AAK1: variants seen among roughly 807,000 people sequenced by gnomAD.
AAK1 encodes the protein AP2 associated kinase 1.
Under a neutral mutation model 116.0 loss-of-function variants are expected in AAK1, and 37 were observed. The observed-to-expected ratio is 0.32, with a 90% CI of 0.25 to 0.42. The LOEUF (loss-of-function observed/expected upper bound fraction) is 0.42, where lower values mean the gene tolerates loss of function less well. AAK1 is among the 10% of genes least tolerant of loss of function. The probability of loss-of-function intolerance (pLI) is 1.00; values close to 1 mark genes in which losing one functional copy is unlikely to be tolerated. For synonymous variants in AAK1, 458 were observed against 439.9 expected, an observed-to-expected ratio of 1.04 and a Z score of -0.51; for missense variants, 919 against 1,170.6, an observed-to-expected ratio of 0.79 and a Z score of 3.14.
intron 2 of AAK1, among the ~76,000 whole-genome samples, chr2:69,613,343 T>C (rs2105221531): frequency 1.3e-5 from 2 of 152,266 alleles, no homozygotes; most frequent in South Asian, 4.1e-4. Flanking sequence ...GATAGGAGCA[T>C]CTTTTGTTAA....
chr2:69,610,946 G>C (rs1464873712), intron 2 of AAK1, among the ~76,000 whole-genome samples: 1 of 152,242 alleles, frequency 6.6e-6, no homozygotes, highest in East Asian at 1.9e-4. Context: ...TGCAGCTGCT[G>C]TGGAAAATGG....
chr2:69,480,393 T>C (rs1675040702), intron 19 of AAK1, among the ~76,000 whole-genome samples: 1 of 152,036 alleles, frequency 6.6e-6, no homozygotes, highest in Non-Finnish European at 1.5e-5. Context: ...TTGCCTACAA[T>C]TTTACAGCAA....
chr2:69,613,155 C>G (rs969474261), intron 2 of AAK1, among the ~76,000 whole-genome samples: 1 of 152,186 alleles, frequency 6.6e-6, no homozygotes, highest in Non-Finnish European at 1.5e-5. Flanking sequence ...GCAATCCCAA[C>G]AGCTCCTAGA....
intron 13 of AAK1, among the ~76,000 whole-genome samples, chr2:69,511,386 C>T (rs746265362): frequency 2.8e-4 from 43 of 152,164 alleles, no homozygotes; most frequent in Non-Finnish European, 4.1e-4. Context: ...CTGAATGTTA[C>T]AATATAAGGT....
intron 2 of AAK1, among the ~76,000 whole-genome samples, chr2:69,610,859 A>G (rs1329012200): frequency 6.6e-6 from 1 of 152,246 alleles, no homozygotes; most frequent in Non-Finnish European, 1.5e-5. Flanking sequence ...AAGAAAAAAC[A>G]GCAGAAAATA....
intron 2 of AAK1, among the ~76,000 whole-genome samples, chr2:69,560,027 A>G (rs545619759): frequency 6.6e-6 from 1 of 152,354 alleles, no homozygotes; most frequent in African/African-American, 2.4e-5. Flanking sequence ...GACCATGATA[A>G]ATCTAAAAGC....
chr2:69,560,981 T>C (rs1361612048), intron 2 of AAK1, among the ~76,000 whole-genome samples: 2 of 150,336 alleles, frequency 1.3e-5, no homozygotes, highest in South Asian at 2.1e-4. Flanking sequence ...CAGATCATTG[T>C]TGCCATGTGG....
intron 16 of AAK1, among the ~76,000 whole-genome samples, chr2:69,500,698 T>TATATATATATATATATATACACACAC: frequency 3.1e-5 from 2 of 65,102 alleles, no homozygotes; most frequent in Non-Finnish European, 2.6e-5. Context: ...TATATATATA[T>TATATATATATATATATATACACACAC]ACACACACAC....
At chr2:69,520,589 C>T (rs553347650) in intron 11 of AAK1, among the ~76,000 whole-genome samples, 6 of 151,938 alleles carry the variant, frequency 3.9e-5, no homozygotes, top group Admixed American at 6.6e-5. Flanking sequence ...GTCTCGAAAT[C>T]GAACTGACCT....
intron 2 of AAK1, among the ~76,000 whole-genome samples, chr2:69,640,840 C>T (rs2105276893): frequency 6.6e-6 from 1 of 152,326 alleles, no homozygotes; most frequent in South Asian, 2.1e-4. Flanking sequence ...GGGGCCACTG[C>T]ACCCTAAGTT....
chr2:69,549,261 C>T (rs1013520055), intron 3 of AAK1, among the ~76,000 whole-genome samples: 6 of 151,980 alleles, frequency 3.9e-5, no homozygotes, highest in South Asian at 2.1e-4. Flanking sequence ...CCCAGCTACT[C>T]GGGAGGCCGA....
At chr2:69,595,507 C>A (rs544518790) in intron 2 of AAK1, among the ~76,000 whole-genome samples, 63 of 152,316 alleles carry the variant, frequency 4.1e-4, no homozygotes, top group African/African-American at 1.4e-3. Flanking sequence ...CATTCCCTTA[C>A]GCCAAAGTCT....
At chr2:69,618,502 C>A (rs1267869905) in intron 2 of AAK1, among the ~76,000 whole-genome samples, 1 of 152,140 alleles carries the variant, frequency 6.6e-6, no homozygotes, top group Non-Finnish European at 1.5e-5. Flanking sequence ...AGTAGCTTAG[C>A]GCAGGAGGTC....
rs950550433 is a variant in AAK1, at chr2:69,496,037, C to T, written c.2313G>A (p.Pro771=). The change falls in exon 17 of 22, where the codon CCG becomes CCA. Residue 771 remains proline, a synonymous_variant. Coordinates refer to ENST00000409085, the MANE Select transcript of AAK1 (RefSeq NM_014911.5). ...TGAAAGGATCAGACACGCTTAGAAGCGGGAGGCCAGAGTCCACAGTCTGCC... is the reference window on the plus strand; with the variant it reads ...TGAAAGGATCAGACACGCTTAGAAGTGGGAGGCCAGAGTCCACAGTCTGCC... The part of the protein sequence containing the change: ...KGGQTVDSGL[P]LLSVSDPFIP... 13 of 1,555,138 alleles carry T rather than the reference C, an allele frequency of 8.4e-6. No individual in the cohort carries two copies. The highest frequency in any genetic ancestry group is 4.1e-5 in the African/African-American group (3 of 73,246).
chr2:69,600,242 T>C (rs1295461582), intron 2 of AAK1, among the ~76,000 whole-genome samples: 1 of 151,058 alleles, frequency 6.6e-6, no homozygotes, highest in Non-Finnish European at 1.5e-5. Flanking sequence ...CAGGATTGAG[T>C]TGAAAAGAGA....
intron 2 of AAK1, among the ~76,000 whole-genome samples, chr2:69,602,544 T>C (rs1035453420): frequency 9.9e-5 from 15 of 152,186 alleles, no homozygotes; most frequent in African/African-American, 3.6e-4. Flanking sequence ...GAAGAGTATA[T>C]GTGAATCTTG....
rs1014277509 is a variant in AAK1, at chr2:69,554,675, T to C, written c.282+2185A>G. Among the ~76,000 whole-genome samples, 9 of 152,258 alleles carry C rather than the reference T, an allele frequency of 5.9e-5. No homozygotes were observed. In the East Asian group the frequency reaches 1.7e-3, roughly 29 times the overall value. ...TGGAAGAAAAATCAAGAACTAGCAA[T>C]ATTAGCATGTTATTTAGAAAGACAT... On this transcript the variant is annotated intron_variant, in intron 3 of 21. Coordinates refer to ENST00000409085, the MANE Select transcript of AAK1 (RefSeq NM_014911.5).
At chr2:69,508,781 C>T (rs565022803) in intron 14 of AAK1, among the ~76,000 whole-genome samples, 1 of 152,278 alleles carries the variant, frequency 6.6e-6, no homozygotes, top group African/African-American at 2.4e-5. Context: ...ACAGGAGGAA[C>T]AAAGGGCTCG....
At chr2:69,562,522 A>T (rs768850716) in intron 2 of AAK1, among the ~76,000 whole-genome samples, 9 of 152,178 alleles carry the variant, frequency 5.9e-5, no homozygotes, top group Non-Finnish European at 1.2e-4. Flanking sequence ...CAATACACAG[A>T]GGAGGGTATT....
Sources: gnomAD v4.1 joint callset for allele counts (sites outside exome capture counted in the v4.1 genomes callset) on GRCh38, gnomAD v4.1.1 for gene constraint, MANE v1.5 for transcripts, NCBI Gene and HGNC (gene_info 2026-07-23, HGNC 2026-07-21) for gene names.